The following PHF3 variants were observed in gnomAD, a reference collection of about 807,000 sequenced individuals.
PHF3 encodes PHD finger protein 3.
A neutral mutation model predicts 178.4 loss-of-function variants in PHF3; 41 were observed. The observed-to-expected ratio is 0.23, with a 90% confidence interval of 0.18 to 0.30. The LOEUF (loss-of-function observed/expected upper bound fraction) is 0.30, where lower values mean the gene tolerates loss of function less well. Ranked by LOEUF, PHF3 falls within the 10% of genes least tolerant of loss-of-function variation. The probability of loss-of-function intolerance (pLI) is 1.00; values close to 1 mark genes in which losing one functional copy is unlikely to be tolerated. For missense variants in PHF3, 2,346 were observed against 2,398.1 expected, an observed-to-expected ratio of 0.98 and a Z score of 0.45; for synonymous variants, 842 against 800.5, an observed-to-expected ratio of 1.05 and a Z score of -0.88.
rs888145608 is a variant in PHF3 at position 63,724,299 on chromosome 6, A to G, written c.*10591A>G. ...GCTATCCCACCGTGCTTTATTATAGATAAGAGAAACCTTGTAGGACCTAAT... is the reference window on the plus strand; with the variant it reads ...GCTATCCCACCGTGCTTTATTATAGGTAAGAGAAACCTTGTAGGACCTAAT... On this transcript the variant is annotated 3_prime_UTR_variant, in exon 16 of 16. Coordinates refer to ENST00000262043, the MANE Select transcript of PHF3 (RefSeq NM_001370348.2). Among the ~76,000 whole-genome samples the G allele has an allele frequency of 6.6e-6, 1 of 152,238 alleles. No individual in the cohort carries two copies. The highest frequency in any genetic ancestry group is 1.5e-5 in the Non-Finnish European group (1 of 68,044).
chr6:63,650,799 G>T (rs894591768), intron 2 of PHF3, among the ~76,000 whole-genome samples: 36 of 152,118 alleles, frequency 2.4e-4, no homozygotes, highest in Non-Finnish European at 4.9e-4. Context: ...GGGTTTTATG[G>T]CTTTGTGTTT....
rs993837742 is a variant in PHF3, at chr6:63,723,603, G to T, written c.*9895G>T. Among the ~76,000 whole-genome samples, 1 of 151,942 alleles carries T rather than the reference G, an allele frequency of 6.6e-6. No individual in the cohort carries two copies. The highest frequency in any genetic ancestry group is 2.4e-5 in the African/African-American group (1 of 41,392). On this transcript the variant is annotated 3_prime_UTR_variant, in exon 16 of 16. Coordinates refer to ENST00000262043, the MANE Select transcript of PHF3 (RefSeq NM_001370348.2). ...TGTTGCCAACCAGAAGAAAGAGCAA[G>T]GATAGCTTCTGCGAAGAAAGGATTA...
rs977462547 is a variant in PHF3 at position 63,711,333 on chromosome 6, C to T, written c.3968C>T (p.Pro1323Leu). The T allele has an allele frequency of 2.5e-6, 4 of 1,611,902 alleles. No individual in the cohort carries two copies. The highest frequency in any genetic ancestry group is 3.4e-6 in the Non-Finnish European group (4 of 1,179,098). The stretch of plus-strand genomic sequence containing the variant: ...CCTTTGGGTGCCACAGATAAAATTC[C>T]ACACCCTCTTGTGCCTTTTGATGGA... ...LIPLGATDKI[P>L]HPLVPFDGPG... Residue 1323 changes from proline to leucine, a missense_variant, in exon 15 of 16, where the codon CCA (proline) becomes CTA (leucine). Transcript: ENST00000262043.
chr6:63,703,354 A>T (rs1050052710), intron 10 of PHF3, among the ~76,000 whole-genome samples, 182 bp from the exon 11 acceptor site: 1 of 152,228 alleles, frequency 6.6e-6, no homozygotes, highest in Non-Finnish European at 1.5e-5. Flanking sequence ...TTTAAGTCAC[A>T]GTTAAAAGCT....
chr6:63,672,223 T>C (rs895641901), intron 2 of PHF3, among the ~76,000 whole-genome samples: 5 of 152,208 alleles, frequency 3.3e-5, no homozygotes, highest in African/African-American at 1.2e-4. Context: ...AACTTTCTCA[T>C]GTGCTATTGC....
In PHF3 at chr6:63,715,990, C is replaced by G. The variant is rs1768178230; in HGVS notation, c.*2282C>G. 6.6e-6 allele frequency among the ~76,000 whole-genome samples: 1 copy of G among 152,094 alleles called. No individual in the cohort carries two copies. On this transcript the variant is annotated 3_prime_UTR_variant, in exon 16 of 16. Transcript: ENST00000262043. ...TTTTACACTTAAAAAAACTTAGAAT[C>G]ATCTTAAGACAGTGAATGCATACCT...
intron 5 of PHF3, among the ~76,000 whole-genome samples, chr6:63,694,166 G>T (rs528287992): frequency 5.3e-5 from 8 of 152,226 alleles, no homozygotes; most frequent in Non-Finnish European, 1.0e-4. Flanking sequence ...CAGAGTAGCA[G>T]GTACTCTGAT....
At position 63,712,731 on chromosome 6, in the gene PHF3, A is replaced by G. The variant is rs748903085; in HGVS notation, c.5143A>G (p.Asn1715Asp). Residue 1715 changes from asparagine (N) to aspartate (D), a missense_variant, in exon 16 of 16, where the codon AAT (asparagine) becomes GAT (aspartate). Physicochemically the swap from Asn to Asp is conservative, Grantham distance 23. This residue lies in a region of PHF3 where 839 missense variants were observed against 806.9 expected (regional missense o/e 1.04). Coordinates refer to ENST00000262043, the MANE Select transcript of PHF3 (RefSeq NM_001370348.2). ...EKNSCVQQSD[N>D]LKVAQNSPSV... ...AAACTCGTGTGTTCAGCAGAGTGAC[A>G]ATTTAAAAGTTGCACAAAACTCACC... 7 of 1,613,854 alleles carry G rather than the reference A, an allele frequency of 4.3e-6. No homozygotes were observed. The highest frequency in any genetic ancestry group is 5.9e-6 in the Non-Finnish European group (7 of 1,179,970).
rs773329241 is a variant in PHF3, at chr6:63,713,027, T to C, written c.5439T>C (p.Pro1813=). The change falls in exon 16 of 16, where the codon CCT becomes CCC. Residue 1813 remains proline (P), a synonymous_variant. Transcript: ENST00000262043. The stretch of plus-strand genomic sequence containing the variant: ...TTCAGCATCTCAAGTCTAGCCCACC[T>C]GGATTTCCATTTCCAGGGCCTCCTA... The part of the protein sequence containing the change: ...PNLQHLKSSP[P]GFPFPGPPNF... The C allele has an allele frequency of 6.2e-7, 1 of 1,614,038 alleles. No individual in the cohort carries two copies. The highest frequency in any genetic ancestry group is 1.7e-4 in the Middle Eastern group (1 of 6,060).
chr6:63,720,687 A>G lies in PHF3; in HGVS notation c.*6979A>G, dbSNP rs748838955. On this transcript the variant is annotated 3_prime_UTR_variant, in exon 16 of 16. Transcript: ENST00000262043. ...GTTTTTTGGTTCCTGAAAAAATACA[A>G]CATCTTTAATTTTGCCAACAAAATT... 2 of 1,546,820 alleles carry G rather than the reference A, an allele frequency of 1.3e-6. No individual in the cohort carries two copies. The highest frequency in any genetic ancestry group is 1.7e-6 in the Non-Finnish European group (2 of 1,145,480).
At chr6:63,667,378 CAA>C (rs1428203357) in intron 2 of PHF3, among the ~76,000 whole-genome samples, 3 of 152,002 alleles carry the variant, frequency 2.0e-5, no homozygotes, top group Non-Finnish European at 4.4e-5. Context: ...TACTGAAAAA[CAA>C]AGTACAGTAT....
chr6:63,707,090 T>C (rs1027593942), intron 13 of PHF3, among the ~76,000 whole-genome samples: 1 of 152,232 alleles, frequency 6.6e-6, no homozygotes, highest in African/African-American at 2.4e-5. Context: ...TGTCCTGCAC[T>C]TTTCCCAAGA....
At chr6:63,706,639 T>C in intron 12 of PHF3, 90 bp from the exon 13 acceptor site, 2 of 1,287,890 alleles carry the variant, frequency 1.6e-6, no homozygotes, top group Non-Finnish European at 2.1e-6. Context: ...TTGGCCTTCT[T>C]CACATGCTAA....
intron 1 of PHF3, among the ~76,000 whole-genome samples, chr6:63,639,431 A>C (rs971061245): frequency 1.3e-5 from 2 of 151,876 alleles, no homozygotes; most frequent in African/African-American, 4.8e-5. Flanking sequence ...TGAGGCTTAC[A>C]TTTTGTTTTT....
chr6:63,692,953 C>A (rs138036893), intron 5 of PHF3, among the ~76,000 whole-genome samples: 3 of 152,314 alleles, frequency 2.0e-5, no homozygotes, highest in African/African-American at 7.2e-5. Context: ...TCTCCAGAAT[C>A]TTACCTATTA....
chr6:63,706,119 A>G lies in PHF3; in HGVS notation c.3458A>G (p.Glu1153Gly). The change falls in exon 12 of 16, where the codon GAA becomes GGA. Residue 1153 changes from glutamate to glycine, a missense_variant. By Grantham distance (98) the Glu-to-Gly change is moderately conservative. Around this residue, in one of 8 missense-constraint regions of PHF3, gnomAD observed 205 missense variants for 212.4 expected, o/e 0.97. Coordinates refer to ENST00000262043, the MANE Select transcript of PHF3 (RefSeq NM_001370348.2). ...CGCAAACATTCAGACAATGAAGCAG[A>G]AAGTATAGCAGATGCATTATCTTCA... ...VARKHSDNEA[E>G]SIADALSSTS... 1 of 1,613,988 alleles carries G rather than the reference A, an allele frequency of 6.2e-7. No individual in the cohort carries two copies. The highest frequency in any genetic ancestry group is 8.5e-7 in the Non-Finnish European group (1 of 1,179,916).
intron 4 of PHF3, among the ~76,000 whole-genome samples, chr6:63,689,345 C>T (rs773262323): frequency 6.6e-6 from 1 of 151,878 alleles, no homozygotes; most frequent in Non-Finnish European, 1.5e-5. Flanking sequence ...CTTTCTTGGC[C>T]CCAATTGTAG....
In PHF3 at chr6:63,635,821, GC is replaced by G; in HGVS notation, c.-351del. On this transcript the variant is annotated 5_prime_UTR_variant, in exon 1 of 16. Transcript: ENST00000262043. ...GTAAACAGTGGGGTCACGTGACACG[GC>G]CCCTCTCCAGCTCCCGCGCCGCCGC... 1 of 395,074 alleles carries G rather than the reference GC, an allele frequency of 2.5e-6. No homozygotes were observed. The highest frequency in any genetic ancestry group is 4.5e-6 in the Non-Finnish European group (1 of 223,786). The allele number at this position is 395,074 out of a possible 1,614,324, so 24.5% of individuals were successfully genotyped here. A position where few individuals can be genotyped will look rare whatever the true frequency, so the allele number is the denominator to read the frequency against.
chr6:63,708,923 C>G (rs1002531259), intron 13 of PHF3, among the ~76,000 whole-genome samples: 2 of 152,180 alleles, frequency 1.3e-5, no homozygotes, highest in Non-Finnish European at 2.9e-5. Flanking sequence ...AACTCAGACT[C>G]TTTCTTAGTA....
Sources: allele counts gnomAD v4.1 joint callset (sites outside exome capture counted in the v4.1 genomes callset), GRCh38; gene constraint gnomAD v4.1.1; regional missense constraint gnomAD v4.1.1; transcripts MANE v1.5; gene names NCBI Gene and HGNC (gene_info 2026-07-23, HGNC 2026-07-21).